SYT9: variants seen among roughly 807,000 people sequenced by gnomAD.
The protein encoded by SYT9 is synaptotagmin 9.
Under a neutral mutation model 48.4 loss-of-function variants are expected in SYT9, and 22 were observed. That is an observed-to-expected ratio of 0.45 (90% CI 0.32 to 0.65). SYT9 has a LOEUF of 0.65. SYT9 is among the 30% of genes least tolerant of loss of function. The pLI, the probability that SYT9 is intolerant of heterozygous loss-of-function variation, is 0.03. For synonymous variants in SYT9, 265 were observed against 245.0 expected, an observed-to-expected ratio of 1.08 and a Z score of -0.76; for missense variants, 577 against 622.0, an observed-to-expected ratio of 0.93 and a Z score of 0.77.
chr11:7,334,815 C>A (rs1399098494), intron 3 of SYT9, among the ~76,000 whole-genome samples: 1 of 152,138 alleles, frequency 6.6e-6, no homozygotes, highest in Non-Finnish European at 1.5e-5. Flanking sequence ...ATTAATAATT[C>A]AATCTTTTTA....
Position 7,313,912 on chromosome 11 carries a change from C to T in SYT9, c.1015C>T (p.Leu339Phe), listed in dbSNP as rs1246597064. The T allele has an allele frequency of 6.2e-7, 1 of 1,613,428 alleles. No individual in the cohort carries two copies. Among genetic ancestry groups the T allele is most frequent in the Non-Finnish European group, 8.5e-7 (1 of 1,179,856 alleles). ...GGCTGATTTCCCCAGGGAGTGCATC[C>T]TTTGGAAGGATATCGAATATGTCAC... Reference protein sequence around the residue: ...DLADFPRECILWKDIEYVTND... With the variant: ...DLADFPRECIFWKDIEYVTND... The change falls in exon 3 of 7, where the codon CTT (leucine) becomes TTT (phenylalanine). Residue 339 changes from leucine (L) to phenylalanine (F), a missense_variant. Coordinates refer to ENST00000318881, the MANE Select transcript of SYT9 (RefSeq NM_175733.4).
intron 3 of SYT9, among the ~76,000 whole-genome samples, chr11:7,360,227 C>G (rs1850106428): frequency 6.6e-6 from 1 of 152,102 alleles, no homozygotes; most frequent in African/African-American, 2.4e-5. Context: ...GTTTTGGTAC[C>G]AGTACCATGC....
intron 6 of SYT9, among the ~76,000 whole-genome samples, chr11:7,449,373 C>T (rs144526047): frequency 0.027 from 3,993 of 150,366 alleles, 63 homozygotes; most frequent in Non-Finnish European, 0.039. Context: ...GACAACCTTG[C>T]CAGGCCACCC....
At chr11:7,346,117 CA>C in intron 3 of SYT9, among the ~76,000 whole-genome samples, 1 of 152,224 alleles carries the variant, frequency 6.6e-6, no homozygotes. Context: ...TTCCATAGAG[CA>C]GTAAGGACCA....
intron 1 of SYT9, among the ~76,000 whole-genome samples, chr11:7,253,005 G>T (rs1847903365): frequency 6.6e-6 from 1 of 152,250 alleles, no homozygotes; most frequent in Non-Finnish European, 1.5e-5. Flanking sequence ...AGACTCGTCG[G>T]TCCTGGCTTG....
At chr11:7,392,216 C>A (rs560003336) in intron 3 of SYT9, among the ~76,000 whole-genome samples, 25 of 152,160 alleles carry the variant, frequency 1.6e-4, no homozygotes, top group African/African-American at 5.3e-4. Context: ...CCTAAGTTTT[C>A]TTCTAAGATT....
chr11:7,283,633 CT>C (rs147805675), intron 1 of SYT9, among the ~76,000 whole-genome samples: 1 of 152,088 alleles, frequency 6.6e-6, no homozygotes, highest in Non-Finnish European at 1.5e-5. Context: ...GTTTAACTGA[CT>C]TTTTCAATTA....
At chr11:7,360,940 T>C (rs1850123602) in intron 3 of SYT9, among the ~76,000 whole-genome samples, 1 of 152,144 alleles carries the variant, frequency 6.6e-6, no homozygotes, top group Non-Finnish European at 1.5e-5. Context: ...ACTGGTTTTT[T>C]TCTAGTCAAT....
At chr11:7,239,334 T>A (rs1847716939) in intron 1 of SYT9, among the ~76,000 whole-genome samples, 1 of 152,184 alleles carries the variant, frequency 6.6e-6, no homozygotes, top group Non-Finnish European at 1.5e-5. Flanking sequence ...TGTTTCATCA[T>A]CCTTTCTGGC....
At chr11:7,300,038 T>G (rs1848889599) in intron 1 of SYT9, among the ~76,000 whole-genome samples, 1 of 152,232 alleles carries the variant, frequency 6.6e-6, no homozygotes, top group Middle Eastern at 3.2e-3. Flanking sequence ...CTTATCCCCA[T>G]GTAATTATTA....
At chr11:7,262,181 G>A (rs759930165) in intron 1 of SYT9, among the ~76,000 whole-genome samples, 5 of 152,134 alleles carry the variant, frequency 3.3e-5, no homozygotes, top group Non-Finnish European at 7.4e-5. Flanking sequence ...GATGGATATT[G>A]AGTGTGAAAG....
intron 1 of SYT9, among the ~76,000 whole-genome samples, chr11:7,270,439 T>C (rs1848273453): frequency 6.6e-6 from 1 of 152,198 alleles, no homozygotes; most frequent in African/African-American, 2.4e-5. Context: ...CAGTAGCCAT[T>C]CTCAGTTCAG....
intron 3 of SYT9, among the ~76,000 whole-genome samples, chr11:7,374,418 C>G (rs750171100): frequency 3.9e-5 from 6 of 152,148 alleles, no homozygotes; most frequent in Non-Finnish European, 4.4e-5. Context: ...GATTTATAAT[C>G]CACTGGGTAT....
intron 6 of SYT9, among the ~76,000 whole-genome samples, 178 bp from the exon 7 acceptor site, chr11:7,466,614 G>T (rs930350734): frequency 5.9e-5 from 9 of 151,710 alleles, no homozygotes; most frequent in Admixed American, 5.9e-4. Context: ...CCAGCTACTT[G>T]GGAGGCTGAG....
At chr11:7,283,973 T>C (rs1310178107) in intron 1 of SYT9, among the ~76,000 whole-genome samples, 1 of 152,166 alleles carries the variant, frequency 6.6e-6, no homozygotes, top group Non-Finnish European at 1.5e-5. Context: ...AGATTTCTGT[T>C]CCTTGCATCT....
chr11:7,396,009 C>A (rs1262529078), intron 3 of SYT9, among the ~76,000 whole-genome samples: 7 of 152,056 alleles, frequency 4.6e-5, no homozygotes, highest in Admixed American at 4.6e-4. Flanking sequence ...TCTTAAGCAT[C>A]TCTTATAAGG....
intron 6 of SYT9, chr11:7,461,410 T>G (rs1279878398): frequency 2.6e-5 from 4 of 152,242 alleles, no homozygotes; most frequent in Non-Finnish European, 5.9e-5. Context: ...TCTGGCTCTG[T>G]CACCCAGGCT....
intron 1 of SYT9, among the ~76,000 whole-genome samples, chr11:7,282,662 A>G (rs1446939744): frequency 6.6e-6 from 1 of 152,112 alleles, no homozygotes; most frequent in African/African-American, 2.4e-5. Context: ...AACCTGGAGT[A>G]GCCTGTAGGC....
chr11:7,311,156 G>C (rs1021496157), intron 2 of SYT9, among the ~76,000 whole-genome samples: 5 of 152,130 alleles, frequency 3.3e-5, no homozygotes, highest in Admixed American at 1.3e-4. Context: ...TACAAAATTA[G>C]CCAGGTGTGG....
Sources: allele counts gnomAD v4.1 joint callset (sites outside exome capture counted in the v4.1 genomes callset), GRCh38; gene constraint gnomAD v4.1.1; transcripts MANE v1.5; gene names NCBI Gene and HGNC (gene_info 2026-07-23, HGNC 2026-07-21).